FAR2: variants seen among roughly 807,000 people sequenced by gnomAD.
The protein encoded by FAR2 is epididymis secretory protein Li 81.
A neutral mutation model predicts 56.0 loss-of-function variants in FAR2; 19 were observed. The observed-to-expected ratio is 0.34, with a 90% CI of 0.24 to 0.50. The LOEUF (loss-of-function observed/expected upper bound fraction) is 0.50, where lower values mean the gene tolerates loss of function less well. FAR2 is among the 20% of genes least tolerant of loss of function. The probability of loss-of-function intolerance (pLI) is 0.98; values close to 1 mark genes in which losing one functional copy is unlikely to be tolerated. For missense variants in FAR2, 508 were observed against 642.2 expected (o/e 0.79, Z 2.26); for synonymous variants, 219 against 218.8 (o/e 1.00, Z -0.01).
At chr12:29,191,516 T>C (rs1299992606) in intron 1 of FAR2, among the ~76,000 whole-genome samples, 2 of 152,204 alleles carry the variant, frequency 1.3e-5, no homozygotes, top group Non-Finnish European at 2.9e-5. Flanking sequence ...ATATGATGCT[T>C]TTGAAACACC....
At position 29,317,399 on chromosome 12, in the gene FAR2, T is replaced by C. The variant is rs151167053; in HGVS notation, c.1127+387T>C. On this transcript the variant is annotated intron_variant, in intron 9 of 11. Transcript: ENST00000536681. ...TTAGACATGGGTCCCATCCCCAAGA[T>C]AGCTCATTACATATATGCAAATATT... Among the ~76,000 whole-genome samples the C allele has an allele frequency of 1.6e-4, 24 of 152,314 alleles. No individual in the cohort carries two copies. The Middle Eastern group carries it at 0.01, about 65-fold the overall frequency.
intron 1 of FAR2, among the ~76,000 whole-genome samples, chr12:29,214,085 C>T (rs1947591053): frequency 6.6e-6 from 1 of 152,234 alleles, no homozygotes; most frequent in Non-Finnish European, 1.5e-5. Context: ...AAGCACATTT[C>T]GTCATCCAAG....
At position 29,210,018 on chromosome 12, in the gene FAR2, G is replaced by C. The variant is rs559927591; in HGVS notation, c.-38-60394G>C. Among the ~76,000 whole-genome samples, 8 of 152,106 alleles carry C rather than the reference G, an allele frequency of 5.3e-5. No homozygotes were observed. The East Asian group carries it at 1.6e-3, about 29-fold the overall frequency. ...GCCCAGGAGTTCAAGACCAGCCTGG[G>C]CAATATAAGGAGACCTCTGTCTCTA... On this transcript the variant is annotated intron_variant, in intron 1 of 11. Transcript: ENST00000536681.
At chr12:29,252,839 G>T (rs1228516814) in intron 1 of FAR2, among the ~76,000 whole-genome samples, 2 of 152,180 alleles carry the variant, frequency 1.3e-5, no homozygotes, top group Admixed American at 6.5e-5. Flanking sequence ...TGTCAACTTG[G>T]CTGGGCAGTA....
rs532243784 is a variant in FAR2 at position 29,325,487 on chromosome 12, C to A, written c.1257+3563C>A. ...ACACCACACCTATTCCAAAATTGAC[C>A]ACATAGTTGGAAGTAAAACACTCCT... On this transcript the variant is annotated intron_variant, in intron 10 of 11. Coordinates refer to ENST00000536681, the MANE Select transcript of FAR2 (RefSeq NM_001271783.2). Among the ~76,000 whole-genome samples the A allele has an allele frequency of 3.4e-3, 520 of 152,166 alleles. 2 individuals are homozygous for A. Among genetic ancestry groups the A allele is most frequent in the African/African-American group, 8.8e-3 (367 of 41,510 alleles).
chr12:29,259,215 G>A (rs756531203), intron 1 of FAR2, among the ~76,000 whole-genome samples: 32 of 152,270 alleles, frequency 2.1e-4, no homozygotes, highest in Middle Eastern at 3.4e-3. Flanking sequence ...TGGTCATCAC[G>A]CCTGGCAGAT....
intron 4 of FAR2, among the ~76,000 whole-genome samples, chr12:29,302,955 C>G (rs1318084801): frequency 6.6e-6 from 1 of 152,108 alleles, no homozygotes; most frequent in Non-Finnish European, 1.5e-5. Context: ...CAAATTAACT[C>G]CAGATTAGAA....
intron 10 of FAR2, among the ~76,000 whole-genome samples, chr12:29,322,990 G>A (rs1407840437): frequency 6.6e-6 from 1 of 152,232 alleles, no homozygotes; most frequent in Non-Finnish European, 1.5e-5. Flanking sequence ...CGGTACCTCA[G>A]TTGGAAATGC....
chr12:29,216,360 C>T (rs1379382628), intron 1 of FAR2, among the ~76,000 whole-genome samples: 1 of 152,178 alleles, frequency 6.6e-6, no homozygotes, highest in African/African-American at 2.4e-5. Flanking sequence ...CCAGGAATTT[C>T]CTCCCCTTTG....
intron 1 of FAR2, among the ~76,000 whole-genome samples, chr12:29,246,841 T>C (rs1204409569): frequency 2.0e-5 from 3 of 152,054 alleles, no homozygotes; most frequent in African/African-American, 7.2e-5. Flanking sequence ...CAGAGAAAAA[T>C]AAGTATACTA....
chr12:29,290,447 G>GAA (rs1051749214), intron 2 of FAR2, among the ~76,000 whole-genome samples: 2 of 131,964 alleles, frequency 1.5e-5, no homozygotes, highest in Admixed American at 7.8e-5. Context: ...CTCTGTCTGA[G>GAA]AAAAAAAAAA....
chr12:29,173,615 G>A (rs1045069416), intron 1 of FAR2, among the ~76,000 whole-genome samples: 1 of 152,132 alleles, frequency 6.6e-6, no homozygotes, highest in Non-Finnish European at 1.5e-5. Context: ...AGAAAAAAAT[G>A]TGTTGCCTCT....
intron 1 of FAR2, among the ~76,000 whole-genome samples, chr12:29,260,069 TA>T: frequency 6.6e-6 from 1 of 152,322 alleles, no homozygotes; most frequent in East Asian, 1.9e-4. Flanking sequence ...TATTTTAGTT[TA>T]AAAAATAATT....
chr12:29,287,151 A>G (rs558391678), intron 2 of FAR2, among the ~76,000 whole-genome samples: 1 of 152,328 alleles, frequency 6.6e-6, no homozygotes, highest in South Asian at 2.1e-4. Flanking sequence ...GAAAAGATAG[A>G]TGCCCAAGCT....
intron 9 of FAR2, among the ~76,000 whole-genome samples, chr12:29,318,367 G>A (rs1949491396): frequency 1.3e-5 from 2 of 152,188 alleles, no homozygotes; most frequent in African/African-American, 4.8e-5. Flanking sequence ...ATTGTAGGCA[G>A]AAATGCTAAA....
At chr12:29,176,861 T>C (rs991913616) in intron 1 of FAR2, among the ~76,000 whole-genome samples, 4 of 152,222 alleles carry the variant, frequency 2.6e-5, no homozygotes, top group Admixed American at 6.5e-5. Flanking sequence ...AAACTTGAGA[T>C]AGATTAACTG....
At chr12:29,259,814 T>A (rs1255393770) in intron 1 of FAR2, among the ~76,000 whole-genome samples, 1 of 152,208 alleles carries the variant, frequency 6.6e-6, no homozygotes, top group Non-Finnish European at 1.5e-5. Context: ...TTTTCTTTTT[T>A]TCATTCAGCC....
chr12:29,205,090 A>G (rs1947464108), intron 1 of FAR2, among the ~76,000 whole-genome samples: 1 of 152,160 alleles, frequency 6.6e-6, no homozygotes, highest in Non-Finnish European at 1.5e-5. Context: ...TAATTACAAA[A>G]CTTTTTACAT....
intron 9 of FAR2, among the ~76,000 whole-genome samples, chr12:29,319,368 A>G (rs147462875): frequency 6.6e-6 from 1 of 152,308 alleles, no homozygotes; most frequent in African/African-American, 2.4e-5. Context: ...TGAATTGTCA[A>G]ACTCATAAGG....
Sources: gnomAD v4.1 joint callset for allele counts (sites outside exome capture counted in the v4.1 genomes callset) on GRCh38, gnomAD v4.1.1 for gene constraint, MANE v1.5 for transcripts, NCBI Gene and HGNC (gene_info 2026-07-23, HGNC 2026-07-21) for gene names.